Variants in TMEM231 observed in about 807,000 individuals in gnomAD.
TMEM231 encodes transmembrane protein 231.
TMEM231 carries 40 observed loss-of-function variants against 38.5 expected under a neutral mutation model. The ratio of observed to expected loss-of-function variants is 1.04; its 90% confidence interval spans 0.81 to 1.35. The LOEUF (loss-of-function observed/expected upper bound fraction) is 1.35. Ranked by LOEUF, TMEM231 falls within the 40% of genes most tolerant of loss-of-function variation. The probability of loss-of-function intolerance (pLI) is 0.00; values close to 1 mark genes in which losing one functional copy is unlikely to be tolerated. For synonymous variants in TMEM231, 199 were observed against 181.7 expected (o/e 1.10, Z -0.77); for missense variants, 420 against 416.9 (o/e 1.01, Z -0.07).
intron 2 of TMEM231, among the ~76,000 whole-genome samples, chr16:75,552,070 A>G (rs1203488927): frequency 2.1e-5 from 3 of 141,188 alleles, no homozygotes; most frequent in African/African-American, 7.9e-5. Flanking sequence ...ACTTTAACTC[A>G]GTCAACAACC....
intron 5 of TMEM231, 123 bp downstream of exon 5, chr16:75,542,479 T>C (rs1443392423): frequency 6.7e-6 from 6 of 896,696 alleles, no homozygotes; most frequent in Non-Finnish European, 1.1e-5. Flanking sequence ...TTTGCTCCCA[T>C]CGTTGAGCAT....
At chr16:75,555,620 G>C (rs1283928470) in intron 2 of TMEM231, 184 bp downstream of exon 2, 1 of 568,548 alleles carries the variant, frequency 1.8e-6, no homozygotes, top group African/African-American at 2.0e-5. Context: ...GGGAGAAGCA[G>C]AATGAAACAG....
Position 75,537,174 on chromosome 16 carries a change from G to A in TMEM231, c.*2820C>T, listed in dbSNP as rs991525185. ...AAAGAAAAGAAAAACCACCTACTGG[G>A]TACTATGCTTATTACGTGGGTGATG... On this transcript the variant is annotated 3_prime_UTR_variant, in exon 7 of 7. Coordinates refer to ENST00000258173, the MANE Select transcript of TMEM231 (RefSeq NM_001077418.3). 3 of 151,360 alleles carry A rather than the reference G, an allele frequency of 2.0e-5. No individual in the cohort carries two copies. The highest frequency in any genetic ancestry group is 6.6e-5 in the Admixed American group (1 of 15,144). The allele number at this position is 151,360 out of a possible 1,614,324, so 9.4% of individuals were successfully genotyped here.
chr16:75,552,232 T>C (rs1475443178), intron 2 of TMEM231, among the ~76,000 whole-genome samples: 1 of 152,136 alleles, frequency 6.6e-6, no homozygotes, highest in Non-Finnish European at 1.5e-5. Context: ...GGCAGGCAGA[T>C]CACTTGAGCT....
intron 2 of TMEM231, among the ~76,000 whole-genome samples, chr16:75,549,098 C>T (rs547753491): frequency 6.6e-6 from 1 of 152,142 alleles, no homozygotes; most frequent in South Asian, 2.1e-4. Flanking sequence ...AGAGAAGTTT[C>T]GATGGAAAGG....
intron 5 of TMEM231, 24 bp from the exon 6 acceptor site, chr16:75,541,479 A>T: frequency 6.6e-7 from 1 of 1,515,902 alleles, no homozygotes. Flanking sequence ...ATTAACCATT[A>T]ACCACGATGG....
At chr16:75,545,800 G>A in intron 3 of TMEM231, 26 bp downstream of exon 3, 2 of 970,656 alleles carry the variant, frequency 2.1e-6, no homozygotes, top group African/African-American at 2.1e-5. Context: ...CAAGGGAGAG[G>A]ACAGCCTCCC....
chr16:75,553,061 G>A lies in TMEM231; in HGVS notation c.309+2743C>T, dbSNP rs1291754580. Reference sequence around the variant, plus strand: ...GTAGGGAGCTTAGAGACGCTGTCCAGGATGAGCTGACCAAAGCAGAAGCAA... The same window carrying A: ...GTAGGGAGCTTAGAGACGCTGTCCAAGATGAGCTGACCAAAGCAGAAGCAA... On this transcript the variant is annotated intron_variant, in intron 2 of 6. Transcript: ENST00000258173. 2.6e-5 allele frequency among the ~76,000 whole-genome samples: 4 copies of A among 152,180 alleles called. No individual in the cohort carries two copies. In the East Asian group the frequency reaches 5.8e-4, roughly 22 times the overall value.
chr16:75,545,330 G>A (rs2151702472), intron 4 of TMEM231, 22 bp downstream of exon 4: 1 of 1,604,760 alleles, frequency 6.2e-7, no homozygotes, highest in South Asian at 1.1e-5. Context: ...CAAAGGAGCT[G>A]GACAATGAGA....
At chr16:75,552,772 C>T (rs1597048077) in intron 2 of TMEM231, among the ~76,000 whole-genome samples, 1 of 152,124 alleles carries the variant, frequency 6.6e-6, no homozygotes, top group African/African-American at 2.4e-5. Flanking sequence ...CTATGCCATA[C>T]CTGCCTCCTT....
At chr16:75,549,167 G>A (rs988189501) in intron 2 of TMEM231, among the ~76,000 whole-genome samples, 10 of 152,198 alleles carry the variant, frequency 6.6e-5, no homozygotes, top group African/African-American at 2.2e-4. Flanking sequence ...TGGGGCTGGC[G>A]AAGTTTGGCT....
chr16:75,542,544 C>A (rs777398226), intron 5 of TMEM231, 58 bp downstream of exon 5: 2 of 1,411,402 alleles, frequency 1.4e-6, no homozygotes, highest in Non-Finnish European at 2.0e-6. Flanking sequence ...GTCTCTGTTG[C>A]CCCCACTAAC....
chr16:75,540,583 C>T (rs2080612680), intron 6 of TMEM231, among the ~76,000 whole-genome samples: 1 of 152,180 alleles, frequency 6.6e-6, no homozygotes, highest in Non-Finnish European at 1.5e-5. Flanking sequence ...ATTCCTAAGA[C>T]CCCAGTTAAA....
intron 4 of TMEM231, 108 bp downstream of exon 4, chr16:75,545,244 G>GC: frequency 2.1e-6 from 3 of 1,455,054 alleles, no homozygotes. Context: ...ACAGGTATGA[G>GC]CCACTGCGCC....
chr16:75,543,433 G>C (rs184581344), intron 4 of TMEM231, among the ~76,000 whole-genome samples: 5 of 152,224 alleles, frequency 3.3e-5, no homozygotes, highest in Admixed American at 2.0e-4. Context: ...AGCCAGGCGT[G>C]GTGGCATATG....
intron 4 of TMEM231, among the ~76,000 whole-genome samples, chr16:75,543,276 A>T (rs777378193): frequency 6.6e-5 from 10 of 152,036 alleles, no homozygotes; most frequent in South Asian, 6.2e-4. Flanking sequence ...AAAATAAAAA[A>T]AAATAAAAAG....
intron 2 of TMEM231, among the ~76,000 whole-genome samples, chr16:75,546,802 G>A (rs997508211): frequency 2.0e-5 from 3 of 152,176 alleles, no homozygotes; most frequent in African/African-American, 4.8e-5. Context: ...GATTCTTGAT[G>A]TTGGATCTTA....
chr16:75,541,453 T>C lies in TMEM231; in HGVS notation c.667A>G (p.Thr223Ala), dbSNP rs1235414038. The C allele has an allele frequency of 2.5e-6, 4 of 1,601,514 alleles. No individual in the cohort carries two copies. Among genetic ancestry groups the C allele is most frequent in the Admixed American group, 3.4e-5 (2 of 58,696 alleles). The change falls in exon 6 of 7, where the codon ACC (threonine) becomes GCC (alanine). Residue 223 changes from threonine (T) to alanine (A), a missense_variant and splice_region_variant. Physicochemically the swap from Thr to Ala is moderately conservative, Grantham distance 58. Coordinates refer to ENST00000258173, the MANE Select transcript of TMEM231 (RefSeq NM_001077418.3). Reference sequence around the variant, plus strand: ...GGGTTGGGATCATTCAGGACGGTGGTAACTGCAATGCAATCATTAACCATT... The same window carrying C: ...GGGTTGGGATCATTCAGGACGGTGGCAACTGCAATGCAATCATTAACCATT... ...IVAAYQERNV[T>A]TVLNDPNPIW...
At chr16:75,554,299 T>C (rs1247478207) in intron 2 of TMEM231, among the ~76,000 whole-genome samples, 1 of 152,146 alleles carries the variant, frequency 6.6e-6, no homozygotes, top group Non-Finnish European at 1.5e-5. Context: ...GCACAGTGGC[T>C]GACACCTATG....
Sources: allele counts gnomAD v4.1 joint callset (sites outside exome capture counted in the v4.1 genomes callset), GRCh38; gene constraint gnomAD v4.1.1; transcripts MANE v1.5; gene names NCBI Gene and HGNC (gene_info 2026-07-23, HGNC 2026-07-21).